The following PRKN variants were observed in gnomAD, a reference collection of about 807,000 sequenced individuals.
The protein encoded by PRKN is E3 ubiquitin-protein ligase parkin.
PRKN carries 56 observed loss-of-function variants against 59.5 expected under a neutral mutation model. The observed-to-expected ratio is 0.94, with a 90% CI of 0.76 to 1.18. PRKN has a LOEUF of 1.18. PRKN is among the 50% of genes most tolerant of loss of function. PRKN has a pLI of 0.00. For synonymous variants in PRKN, 250 were observed against 222.1 expected (o/e 1.13, Z -1.12); for missense variants, 657 against 596.4 (o/e 1.10, Z -1.06).
At chr6:162,259,434 A>G (rs1779792120) in intron 3 of PRKN, among the ~76,000 whole-genome samples, 1 of 152,156 alleles carries the variant, frequency 6.6e-6, no homozygotes, top group Non-Finnish European at 1.5e-5. Context: ...TCACAGAAAA[A>G]GAATGAAAGA....
intron 3 of PRKN, among the ~76,000 whole-genome samples, chr6:162,248,417 T>G (rs1249060093): frequency 1.3e-5 from 2 of 152,186 alleles, no homozygotes; most frequent in Non-Finnish European, 2.9e-5. Flanking sequence ...CTTTTATTAG[T>G]ATCAAACTGG....
intron 6 of PRKN, among the ~76,000 whole-genome samples, chr6:161,796,315 T>A (rs1260019504): frequency 1.3e-5 from 2 of 152,200 alleles, no homozygotes; most frequent in African/African-American, 4.8e-5. Context: ...CATTACAATG[T>A]AACAAGAGAT....
chr6:162,198,149 T>C (rs552575330), intron 4 of PRKN, among the ~76,000 whole-genome samples: 25 of 152,232 alleles, frequency 1.6e-4, no homozygotes, highest in African/African-American at 5.1e-4. Flanking sequence ...CAGAAAACAG[T>C]GCTTGGGGAA....
intron 8 of PRKN, among the ~76,000 whole-genome samples, chr6:161,567,060 A>T (rs1403979493): frequency 3.2e-5 from 3 of 92,352 alleles, no homozygotes; most frequent in Non-Finnish European, 4.1e-5. Flanking sequence ...TGTGTGTGTG[A>T]GAGAGGGTCA....
intron 7 of PRKN, among the ~76,000 whole-genome samples, chr6:161,589,655 T>C (rs574012060): frequency 1.1e-4 from 16 of 151,970 alleles, no homozygotes; most frequent in African/African-American, 3.6e-4. Flanking sequence ...TTTCATGGAA[T>C]TGCATAGAGA....
intron 1 of PRKN, among the ~76,000 whole-genome samples, chr6:162,464,026 G>A (rs1791296912): frequency 6.6e-6 from 1 of 152,146 alleles, no homozygotes. Flanking sequence ...ATCAAAGACT[G>A]CCCTGACCTT....
At chr6:162,276,089 T>C (rs1256440481) in intron 2 of PRKN, among the ~76,000 whole-genome samples, 1 of 152,224 alleles carries the variant, frequency 6.6e-6, no homozygotes, top group East Asian at 1.9e-4. Context: ...CATAAACGTC[T>C]GTCAGCTTTT....
chr6:161,742,459 G>A (rs1366030616), intron 7 of PRKN, among the ~76,000 whole-genome samples: 2 of 152,280 alleles, frequency 1.3e-5, no homozygotes, highest in East Asian at 1.9e-4. Context: ...AGCAGCATGA[G>A]AACAGACTAA....
rs939670787 is a variant in PRKN at position 161,483,214 on chromosome 6, G to C, written c.1083+65640C>G. Among the ~76,000 whole-genome samples, 3 of 150,468 alleles carry C rather than the reference G, an allele frequency of 2.0e-5. No homozygotes were observed. Among genetic ancestry groups the C allele is most frequent in the Non-Finnish European group, 4.4e-5 (3 of 67,846 alleles). ...AAACATGCATTGTTAATGAGACTTCGCCAGAGATGCTTAGAGTTAGGTGAA... is the reference window on the plus strand; with the variant it reads ...AAACATGCATTGTTAATGAGACTTCCCCAGAGATGCTTAGAGTTAGGTGAA... On this transcript the variant is annotated intron_variant, in intron 9 of 11. Transcript: ENST00000366898. The surrounding 1 kb of genome is among the most constrained non-coding windows in gnomAD (Gnocchi z 5.0).
At chr6:162,238,069 C>T (rs1433056210) in intron 3 of PRKN, among the ~76,000 whole-genome samples, 1 of 152,166 alleles carries the variant, frequency 6.6e-6, no homozygotes, top group Non-Finnish European at 1.5e-5. Flanking sequence ...TTAATAATTA[C>T]AATTGTACCA....
At chr6:162,303,768 A>T (rs1782077021) in intron 2 of PRKN, among the ~76,000 whole-genome samples, 1 of 152,144 alleles carries the variant, frequency 6.6e-6, no homozygotes, top group Non-Finnish European at 1.5e-5. Context: ...CTTAACAGAG[A>T]AGGAAAATAA....
chr6:162,078,582 T>A (rs1000927793), intron 4 of PRKN, among the ~76,000 whole-genome samples: 3 of 152,090 alleles, frequency 2.0e-5, no homozygotes, highest in Non-Finnish European at 4.4e-5. Context: ...TAGAACTTAG[T>A]GTCAAACATT....
intron 9 of PRKN, among the ~76,000 whole-genome samples, chr6:161,509,802 C>T (rs1294476753): frequency 6.8e-6 from 1 of 147,086 alleles, no homozygotes; most frequent in Non-Finnish European, 1.5e-5. Context: ...ATTGCTTGAA[C>T]CCAGGAGGCA....
At chr6:161,743,510 A>G (rs1000388641) in intron 7 of PRKN, among the ~76,000 whole-genome samples, 1 of 151,690 alleles carries the variant, frequency 6.6e-6, no homozygotes, top group African/African-American at 2.4e-5. Context: ...CGGCCTCCCA[A>G]AGTGCTGGGA....
intron 4 of PRKN, among the ~76,000 whole-genome samples, chr6:162,199,657 T>C (rs1367631862): frequency 6.6e-6 from 1 of 152,180 alleles, no homozygotes; most frequent in Non-Finnish European, 1.5e-5. Flanking sequence ...GCAGGAGAGC[T>C]GCCCAAGAAC....
At chr6:162,269,783 T>C (rs1246035199) in intron 2 of PRKN, among the ~76,000 whole-genome samples, 1 of 152,160 alleles carries the variant, frequency 6.6e-6, no homozygotes, top group Non-Finnish European at 1.5e-5. Context: ...TTAATATCAC[T>C]AGTGATCAGG....
At chr6:162,612,192 C>CAAAAA (rs796515239) in intron 1 of PRKN, among the ~76,000 whole-genome samples, 152 of 64,844 alleles carry the variant, frequency 2.3e-3, no homozygotes, top group Non-Finnish European at 3.2e-3. Flanking sequence ...GACTCCATCT[C>CAAAAA]AAAAAAAAAA....
chr6:162,155,103 T>TAA (rs5881453), intron 4 of PRKN, among the ~76,000 whole-genome samples: 35,202 of 135,688 alleles, frequency 0.26, 6,205 homozygotes, highest in African/African-American at 0.51. Flanking sequence ...AAATAAAACC[T>TAA]AAAAAAAAAA....
At position 161,413,975 on chromosome 6, in the gene PRKN, C is replaced by A. The variant is rs143271086; in HGVS notation, c.1084-27098G>T. Among the ~76,000 whole-genome samples, 15 of 152,104 alleles carry A rather than the reference C, an allele frequency of 9.9e-5. No homozygotes were observed. Among genetic ancestry groups the A allele is most frequent in the Admixed American group, 2.6e-4 (4 of 15,272 alleles). On this transcript the variant is annotated intron_variant, in intron 9 of 11. Transcript: ENST00000366898. The surrounding 1 kb of genome is among the most constrained non-coding windows in gnomAD (Gnocchi z 4.4). ...GAGGTGGCAGAAAGAGATGATAACT[C>A]CAGGAAGGAAGGGGTGCCTGAGAGA...
Sources: allele counts gnomAD v4.1 joint callset (sites outside exome capture counted in the v4.1 genomes callset), GRCh38; gene constraint gnomAD v4.1.1; non-coding constraint Gnocchi (gnomAD v3.1); transcripts MANE v1.5; gene names NCBI Gene and HGNC (gene_info 2026-07-23, HGNC 2026-07-21).